Variants in XKR9 observed in about 807,000 individuals in gnomAD.
XKR9 encodes XK related 9.
XKR9 carries 32 observed loss-of-function variants against 32.0 expected under a neutral mutation model. That is an observed-to-expected ratio of 1.00 (90% CI 0.76 to 1.34). XKR9 has a LOEUF of 1.34. XKR9 is among the 40% of genes most tolerant of loss of function. XKR9 has a pLI of 0.00. For synonymous variants in XKR9, 168 were observed against 143.4 expected, an observed-to-expected ratio of 1.17 and a Z score of -1.22; for missense variants, 546 against 429.7, an observed-to-expected ratio of 1.27 and a Z score of -2.39.
At chr8:70,758,720 A>G (rs931803041) in intron 2 of XKR9, among the ~76,000 whole-genome samples, 11 of 152,358 alleles carry the variant, frequency 7.2e-5, no homozygotes, top group African/African-American at 2.4e-4. Context: ...TCTTGATGAC[A>G]TAATTTCTTT....
the XKR9 span, among the ~76,000 whole-genome samples, chr8:71,061,912 G>T: frequency 6.6e-6 from 1 of 152,246 alleles, no homozygotes; most frequent in Non-Finnish European, 1.5e-5. Context: ...ATCGCTCTGT[G>T]ACACTGCAGC....
chr8:71,005,377 C>T, the XKR9 span, among the ~76,000 whole-genome samples: 1 of 151,796 alleles, frequency 6.6e-6, no homozygotes, highest in African/African-American at 2.4e-5. Context: ...TGCCCACCAC[C>T]ACACCCAGCT....
chr8:70,927,294 A>G, the XKR9 span, among the ~76,000 whole-genome samples: 1 of 151,932 alleles, frequency 6.6e-6, no homozygotes, highest in Non-Finnish European at 1.5e-5. Flanking sequence ...ATCATCGATC[A>G]ATTTTCCTGG....
the XKR9 span, among the ~76,000 whole-genome samples, chr8:71,020,869 C>T: frequency 6.6e-6 from 1 of 152,166 alleles, no homozygotes; most frequent in East Asian, 1.9e-4. Context: ...TTCTATCTAA[C>T]TGTATATTAG....
chr8:71,035,269 A>G, the XKR9 span, among the ~76,000 whole-genome samples: 1 of 152,228 alleles, frequency 6.6e-6, no homozygotes, highest in Non-Finnish European at 1.5e-5. Context: ...ATAAACAAGA[A>G]TGATGACTTT....
In XKR9 at chr8:70,760,809, T is replaced by C. The variant is rs1239260032; in HGVS notation, n.353-28530T>C. On this transcript the variant is annotated intron_variant and non_coding_transcript_variant, in intron 2 of 3. Coordinates refer to the XKR9 transcript ENST00000520273. ...GGGGCTTGTACAGATTATTTAATCA[T>C]CCAGGTATTAAGCCTAGTATCCATT... Among the ~76,000 whole-genome samples the C allele has an allele frequency of 2.0e-5, 3 of 152,202 alleles. No homozygotes were observed. In the East Asian group the frequency reaches 5.8e-4, roughly 29 times the overall value.
At chr8:70,878,640 C>A in the XKR9 span, among the ~76,000 whole-genome samples, 466 of 152,258 alleles carry the variant, frequency 3.1e-3, 3 homozygotes, top group African/African-American at 0.011. Flanking sequence ...TACAGGAGCA[C>A]CCAGATTCAT....
intron 4 of XKR9, among the ~76,000 whole-genome samples, chr8:70,726,468 C>G (rs961305070): frequency 2.5e-4 from 38 of 152,302 alleles, no homozygotes; most frequent in African/African-American, 9.1e-4. Context: ...ACTTTTCACT[C>G]AATGGGTGCC....
the XKR9 span, among the ~76,000 whole-genome samples, chr8:70,886,689 T>G: frequency 6.6e-6 from 1 of 152,192 alleles, no homozygotes; most frequent in Non-Finnish European, 1.5e-5. Context: ...ATAAATGTCT[T>G]CTTTTGAGAA....
At chr8:70,699,877 C>A (rs1440825284) in intron 3 of XKR9, among the ~76,000 whole-genome samples, 1 of 152,196 alleles carries the variant, frequency 6.6e-6, no homozygotes, top group East Asian at 1.9e-4. Flanking sequence ...AGGCTTTGTT[C>A]GTTTCTTTTT....
At chr8:70,793,227 G>A (rs1807786555), downstream of XKR9, among the ~76,000 whole-genome samples, 5 of 151,976 alleles carry the variant, frequency 3.3e-5, no homozygotes, top group African/African-American at 1.2e-4. Context: ...TAGGGTTTGG[G>A]TGTTTGTACC....
intron 2 of XKR9, among the ~76,000 whole-genome samples, chr8:70,758,564 A>G (rs1422650206): frequency 1.3e-5 from 2 of 152,190 alleles, no homozygotes; most frequent in African/African-American, 4.8e-5. Context: ...AAAATATGGG[A>G]TTACCCAGAT....
At chr8:70,754,031 A>C (rs1807181449) in intron 2 of XKR9, among the ~76,000 whole-genome samples, 1 of 146,662 alleles carries the variant, frequency 6.8e-6, no homozygotes, top group African/African-American at 2.4e-5. Flanking sequence ...GTCTCAGCCC[A>C]AAATCTCCTT....
chr8:70,959,413 A>G, the XKR9 span, among the ~76,000 whole-genome samples: 2 of 152,192 alleles, frequency 1.3e-5, no homozygotes, highest in Non-Finnish European at 2.9e-5. Context: ...GTCCTCCAGT[A>G]TTCCATCACA....
At chr8:70,688,332 A>G (rs746498825) in intron 3 of XKR9, among the ~76,000 whole-genome samples, 3 of 152,200 alleles carry the variant, frequency 2.0e-5, no homozygotes, top group Non-Finnish European at 4.4e-5. Context: ...TTGAAAGGAT[A>G]TTCCGCAAGA....
intron 2 of XKR9, among the ~76,000 whole-genome samples, chr8:70,786,359 G>A (rs1303548885): frequency 6.6e-6 from 1 of 152,042 alleles, no homozygotes; most frequent in Non-Finnish European, 1.5e-5. Flanking sequence ...TCTATTTATT[G>A]TTTTAAGTGG....
chr8:70,829,232 G>A, the XKR9 span, among the ~76,000 whole-genome samples: 10 of 151,776 alleles, frequency 6.6e-5, no homozygotes, highest in Admixed American at 1.3e-4. Context: ...TTCTTATTTC[G>A]GATAAGAAAA....
At chr8:70,951,673 C>A in the XKR9 span, among the ~76,000 whole-genome samples, 5 of 152,222 alleles carry the variant, frequency 3.3e-5, no homozygotes, top group Non-Finnish European at 7.3e-5. Flanking sequence ...TCCAGCAGAA[C>A]CTCTCTTTGC....
chr8:70,838,031 A>T, the XKR9 span, among the ~76,000 whole-genome samples: 1 of 152,104 alleles, frequency 6.6e-6, no homozygotes, highest in African/African-American at 2.4e-5. Context: ...CAGTCATTTG[A>T]TGTTACCATT....
Sources: gnomAD v4.1 joint callset for allele counts (sites outside exome capture counted in the v4.1 genomes callset) on GRCh38, gnomAD v4.1.1 for gene constraint, MANE v1.5 for transcripts, NCBI Gene and HGNC (gene_info 2026-07-23, HGNC 2026-07-21) for gene names.